Variants in RALY observed in about 807,000 individuals in gnomAD.
RALY encodes the protein RALY heterogeneous nuclear ribonucleoprotein, also known as RNA-binding protein Raly.
In RALY, 15 loss-of-function variants were observed where a neutral mutation model predicts 30.7. The ratio of observed to expected loss-of-function variants is 0.49; its 90% CI spans 0.33 to 0.75. The LOEUF (loss-of-function observed/expected upper bound fraction) is 0.75, where lower values mean the gene tolerates loss of function less well. Among genes scored for constraint, RALY ranks in the 30% least tolerant of loss-of-function variants. The pLI is 0.02. For missense variants in RALY, 339 were observed against 414.3 expected, an observed-to-expected ratio of 0.82 and a Z score of 1.58; for synonymous variants, 177 against 170.8, an observed-to-expected ratio of 1.04 and a Z score of -0.28.
chr20:34,081,942 T>C lies in RALY; in HGVS notation c.*2037T>C, dbSNP rs886678990. On this transcript the variant is annotated 3_prime_UTR_variant, in exon 10 of 10. Transcript: ENST00000246194. ...TGGGCAGCAGGGAGAGAGTAGAGAT[T>C]TGTCAAGAGCCCATGGTGGAGGCTG... is the stretch of plus-strand genomic sequence containing the variant. 3.9e-5 allele frequency: 6 copies of C among 152,444 alleles called. No homozygotes were observed. The highest frequency in any genetic ancestry group is 7.3e-5 in the Non-Finnish European group (5 of 68,132). 9.4% of individuals were successfully genotyped at this position (152,444 alleles called of 1,614,324 possible).
At chr20:34,063,677 T>G (rs1318997033) in intron 2 of RALY, among the ~76,000 whole-genome samples, 5 of 152,224 alleles carry the variant, frequency 3.3e-5, no homozygotes, top group African/African-American at 1.2e-4. Flanking sequence ...GAAGACATTC[T>G]TGTATTTCAA....
chr20:34,015,336 T>C (rs955509487), intron 1 of RALY, among the ~76,000 whole-genome samples: 10 of 150,402 alleles, frequency 6.6e-5, no homozygotes, highest in African/African-American at 1.2e-4. Flanking sequence ...TATTTCCCCC[T>C]TTTTTTTTAA....
At chr20:34,010,017 G>A (rs1023074629) in intron 1 of RALY, among the ~76,000 whole-genome samples, 3 of 152,210 alleles carry the variant, frequency 2.0e-5, no homozygotes, top group Non-Finnish European at 4.4e-5. Flanking sequence ...GGAACTTTTG[G>A]TGCCCTTATT....
Position 34,081,266 on chromosome 20 carries a change from G to C in RALY, c.*1361G>C, listed in dbSNP as rs1294421045. The stretch of plus-strand genomic sequence containing the variant: ...CTGGTCTCGTTGGTATGGAGCTGTG[G>C]GAGGGCAGCACCCAGAAATAGGCTT... On this transcript the variant is annotated 3_prime_UTR_variant, in exon 10 of 10. Coordinates refer to ENST00000246194, the MANE Select transcript of RALY (RefSeq NM_016732.3). 1 of 152,224 alleles carries C rather than the reference G, an allele frequency of 6.6e-6. No homozygotes were observed. The highest frequency in any genetic ancestry group is 2.4e-5 in the African/African-American group (1 of 41,414). The allele number at this position is 152,224 out of a possible 1,614,324, so 9.4% of individuals were successfully genotyped here. A position where few individuals can be genotyped will look rare whatever the true frequency, so the allele number is the denominator to read the frequency against.
chr20:34,078,648 A>G, intron 9 of RALY, 95 bp downstream of exon 9: 1 of 1,224,326 alleles, frequency 8.2e-7, no homozygotes, highest in Non-Finnish European at 1.1e-6. Flanking sequence ...GTCACGAAGC[A>G]TACCTGGCCA....
At chr20:34,034,267 C>T (rs951250316) in intron 2 of RALY, among the ~76,000 whole-genome samples, 3 of 152,218 alleles carry the variant, frequency 2.0e-5, no homozygotes, top group Admixed American at 6.5e-5. Context: ...CCTTCACCAA[C>T]GATGGGGGCC....
intron 2 of RALY, among the ~76,000 whole-genome samples, chr20:34,033,570 C>T (rs2032366085): frequency 6.6e-6 from 1 of 152,116 alleles, no homozygotes; most frequent in Admixed American, 6.5e-5. Context: ...CTCTTCTTAA[C>T]AACCATCTCT....
intron 2 of RALY, among the ~76,000 whole-genome samples, chr20:34,053,089 A>G (rs2033130482): frequency 6.6e-6 from 1 of 151,652 alleles, no homozygotes; most frequent in South Asian, 2.1e-4. Flanking sequence ...CGAACTCCTG[A>G]CCTCAGGTGA....
chr20:34,073,851 A>T lies in RALY; in HGVS notation c.362A>T (p.Asp121Val), dbSNP rs147720179. ...ATCTTTGACTATGATTACTACCGGG[A>T]CGACTTCTACGACAGGTGAGCAGGG... ...GYIFDYDYYR[D>V]DFYDRLFDYR... is the part of the protein sequence containing the mutation. Residue 121 changes from aspartate (D) to valine (V), a missense_variant, in exon 5 of 10, where the codon GAC (aspartate) becomes GTC (valine). Asp to Val is a radical substitution (Grantham distance 152). Coordinates refer to ENST00000246194, the MANE Select transcript of RALY (RefSeq NM_016732.3). 3 of 1,614,046 alleles carry T rather than the reference A, an allele frequency of 1.9e-6. No individual in the cohort carries two copies. Among genetic ancestry groups the T allele is most frequent in the African/African-American group, 1.3e-5 (1 of 75,010 alleles).
intron 9 of RALY, among the ~76,000 whole-genome samples, chr20:34,078,775 G>A (rs1458192171): frequency 2.0e-5 from 3 of 152,126 alleles, no homozygotes; most frequent in African/African-American, 4.8e-5. Context: ...TGGGCCAGGC[G>A]GGCCCACCTA....
At chr20:34,067,678 G>T (rs550428459) in intron 2 of RALY, among the ~76,000 whole-genome samples, 75 of 152,284 alleles carry the variant, frequency 4.9e-4, no homozygotes, top group African/African-American at 1.8e-3. Flanking sequence ...GCATTTCAAA[G>T]CCTGTTTCAC....
rs140943247 is a variant in RALY, at chr20:34,060,915, T to G, written c.-9-11151T>G. 2.8e-3 allele frequency among the ~76,000 whole-genome samples: 423 copies of G among 152,312 alleles called. 3 individuals carry two copies. The highest frequency in any genetic ancestry group is 9.6e-3 in the African/African-American group (401 of 41,558). ...GTGCACTAATTGTGCCTTTGAGCAC[T>G]GGTTAAGAGCTACTCAATTTGCCCA... On this transcript the variant is annotated intron_variant, in intron 2 of 9. Coordinates refer to ENST00000246194, the MANE Select transcript of RALY (RefSeq NM_016732.3).
chr20:34,073,473 CA>C lies in RALY; in HGVS notation c.257-89del, dbSNP rs1353116089. ...AGAATCCATGTGTATACCGTGTAAG[CA>C]CATGAATTGCTGTGCGTGTGCATGA... On this transcript the variant is annotated intron_variant, in intron 3 of 9. Transcript: ENST00000246194. The C allele has an allele frequency of 3.3e-6, 4 of 1,219,292 alleles. No homozygotes were observed. In the African/African-American group the frequency reaches 6.0e-5, roughly 18 times the overall value. 75.5% of individuals were successfully genotyped at this position (1,219,292 alleles called of 1,614,324 possible).
chr20:34,071,771 A>G (rs546303543), intron 2 of RALY, among the ~76,000 whole-genome samples: 13 of 152,328 alleles, frequency 8.5e-5, no homozygotes, highest in Admixed American at 6.5e-4. Context: ...CCTGCCATTC[A>G]CTAACATTGT....
At chr20:34,045,404 T>G (rs548734636) in intron 2 of RALY, among the ~76,000 whole-genome samples, 1 of 152,226 alleles carries the variant, frequency 6.6e-6, no homozygotes, top group South Asian at 2.1e-4. Context: ...AGAGCATGTT[T>G]GTAGAATAAT....
intron 1 of RALY, among the ~76,000 whole-genome samples, chr20:34,002,634 C>T (rs2030970505): frequency 6.6e-6 from 1 of 152,096 alleles, no homozygotes; most frequent in Non-Finnish European, 1.5e-5. Context: ...TTGGCATTCC[C>T]TTCTCTCCCT....
chr20:34,005,543 T>C (rs1002483211), intron 1 of RALY, among the ~76,000 whole-genome samples: 2 of 152,170 alleles, frequency 1.3e-5, no homozygotes, highest in African/African-American at 4.8e-5. Context: ...TTTTAAATGT[T>C]AACACAGCCT....
At chr20:34,028,326 C>T (rs1468722511) in intron 1 of RALY, among the ~76,000 whole-genome samples, 1 of 151,684 alleles carries the variant, frequency 6.6e-6, no homozygotes, top group Non-Finnish European at 1.5e-5. Context: ...ACTAGGTCTC[C>T]ATTCTTCAGA....
intron 2 of RALY, among the ~76,000 whole-genome samples, chr20:34,040,802 C>A (rs2032670769): frequency 6.6e-6 from 1 of 152,218 alleles, no homozygotes; most frequent in African/African-American, 2.4e-5. Flanking sequence ...CATATCTAGT[C>A]TCTGAAAGAG....
Sources: allele counts gnomAD v4.1 joint callset (sites outside exome capture counted in the v4.1 genomes callset), GRCh38; gene constraint gnomAD v4.1.1; transcripts MANE v1.5; gene names NCBI Gene and HGNC (gene_info 2026-07-23, HGNC 2026-07-21).